DGKB: variants seen among roughly 807,000 people sequenced by gnomAD.
DGKB encodes the protein 90 kDa diacylglycerol kinase.
A neutral mutation model predicts 114.3 loss-of-function variants in DGKB; 67 were observed. The observed-to-expected ratio is 0.59, with a 90% CI of 0.48 to 0.72. The LOEUF is 0.72. Ranked by LOEUF, DGKB falls within the 30% of genes least tolerant of loss-of-function variation. The pLI is 0.00. For missense variants in DGKB, 907 were observed against 975.2 expected, an observed-to-expected ratio of 0.93 and a Z score of 0.93; for synonymous variants, 398 against 323.1, an observed-to-expected ratio of 1.23 and a Z score of -2.49.
At chr7:14,689,606 A>G (rs1228696050) in intron 9 of DGKB, among the ~76,000 whole-genome samples, 1 of 152,174 alleles carries the variant, frequency 6.6e-6, no homozygotes, top group Non-Finnish European at 1.5e-5. Context: ...GTCACCTGTC[A>G]TTCCTGAGGC....
In DGKB at chr7:14,453,076, G is replaced by A. The variant is rs569131067; in HGVS notation, c.1835+25085C>T. On this transcript the variant is annotated intron_variant, in intron 21 of 25. Coordinates refer to ENST00000402815, the MANE Select transcript of DGKB (RefSeq NM_001350709.2). ...GGCTTACACATATAGTGATTACTAC[G>A]CTCCAGGCACTGTTCTTAGTGCTTT... is the stretch of plus-strand genomic sequence containing the variant. Among the ~76,000 whole-genome samples the A allele has an allele frequency of 5.3e-5, 8 of 152,198 alleles. No homozygotes were observed. The South Asian group carries it at 8.3e-4, about 16-fold the overall frequency.
intron 1 of DGKB, among the ~76,000 whole-genome samples, chr7:14,899,491 C>T (rs1664090431): frequency 6.6e-6 from 1 of 152,120 alleles, no homozygotes; most frequent in Non-Finnish European, 1.5e-5. Context: ...TAGTGTCCCT[C>T]AGGACAAAGA....
chr7:14,201,833 G>GTTTTCT (rs1554285039), intron 23 of DGKB, among the ~76,000 whole-genome samples: 1 of 151,860 alleles, frequency 6.6e-6, no homozygotes, highest in East Asian at 1.9e-4. Flanking sequence ...GGAGTTTGTT[G>GTTTTCT]TTTTGTTTTT....
intron 25 of DGKB, among the ~76,000 whole-genome samples, chr7:14,157,887 T>A (rs1165017157): frequency 6.6e-6 from 1 of 152,206 alleles, no homozygotes; most frequent in African/African-American, 2.4e-5. Flanking sequence ...CTTCTTTTCT[T>A]AACTAGAGAA....
At chr7:14,769,369 AAAG>A (rs1245271012) in intron 2 of DGKB, among the ~76,000 whole-genome samples, 2 of 152,144 alleles carry the variant, frequency 1.3e-5, no homozygotes, top group African/African-American at 2.4e-5. Flanking sequence ...TCTGAAAATC[AAAG>A]AAGAGCAGTT....
intron 20 of DGKB, among the ~76,000 whole-genome samples, chr7:14,571,745 A>G (rs959486034): frequency 6.6e-6 from 1 of 152,226 alleles, no homozygotes; most frequent in Admixed American, 6.5e-5. Flanking sequence ...CTTTGAATGT[A>G]TTCTTCAGTG....
At chr7:14,597,689 A>C (rs1218084049) in intron 17 of DGKB, among the ~76,000 whole-genome samples, 1 of 152,098 alleles carries the variant, frequency 6.6e-6, no homozygotes, top group Non-Finnish European at 1.5e-5. Context: ...TGGCTGAAGG[A>C]CTGTTGTCCA....
At chr7:14,886,683 C>G (rs1855110293) in intron 1 of DGKB, among the ~76,000 whole-genome samples, 1 of 152,042 alleles carries the variant, frequency 6.6e-6, no homozygotes, top group Middle Eastern at 3.4e-3. Context: ...TAATCACTCA[C>G]CTTTATTACC....
chr7:14,371,902 G>A (rs985334443), intron 21 of DGKB, among the ~76,000 whole-genome samples: 1 of 152,174 alleles, frequency 6.6e-6, no homozygotes, highest in Admixed American at 6.5e-5. Context: ...TCACTCCAGA[G>A]CAGGCATGCC....
At chr7:14,195,774 G>C (rs1784925816) in intron 23 of DGKB, among the ~76,000 whole-genome samples, 1 of 152,108 alleles carries the variant, frequency 6.6e-6, no homozygotes, top group African/African-American at 2.4e-5. Context: ...AGAACATGAT[G>C]ATGAGGAAAA....
chr7:14,267,007 G>C (rs113719444), intron 23 of DGKB, among the ~76,000 whole-genome samples: 2 of 97,796 alleles, frequency 2.0e-5, no homozygotes, highest in African/African-American at 1.3e-4. Context: ...TGAACAAGTT[G>C]GTTTCCCCCT....
intron 3 of DGKB, among the ~76,000 whole-genome samples, chr7:14,756,919 G>A (rs2128445578): frequency 6.6e-6 from 1 of 152,074 alleles, no homozygotes. Context: ...CATTTAAAAT[G>A]TAACATCTCT....
chr7:14,644,252 T>C (rs1039867883), intron 13 of DGKB, among the ~76,000 whole-genome samples: 1 of 152,060 alleles, frequency 6.6e-6, no homozygotes, highest in African/African-American at 2.4e-5. Context: ...CTTCAGAAAA[T>C]TCAAAGAAGT....
At chr7:14,360,462 A>G (rs1815508265) in intron 21 of DGKB, among the ~76,000 whole-genome samples, 1 of 151,680 alleles carries the variant, frequency 6.6e-6, no homozygotes, top group Admixed American at 6.6e-5. Flanking sequence ...ATATATATAT[A>G]TATAAAGAAT....
At chr7:14,269,585 A>G (rs972301550) in intron 23 of DGKB, among the ~76,000 whole-genome samples, 5 of 152,146 alleles carry the variant, frequency 3.3e-5, no homozygotes, top group African/African-American at 1.2e-4. Context: ...TCTTACAAGA[A>G]TCAAATATAT....
In DGKB at chr7:14,613,405, A is replaced by T; in HGVS notation, c.1293T>A (p.Pro431=). ...CTAAAAGTGGGTGAGTACCAGGCAC[A>T]GGAGTGACCTATAAGAAAAGTTATA... is the stretch of plus-strand genomic sequence containing the variant. ...TVDGQGLQVT[P]VPGTHPLLVF... is the part of the protein sequence containing the mutation. The change falls in exon 16 of 26, where the codon CCT becomes CCA. Residue 431 remains proline (P), a synonymous_variant. Transcript: ENST00000402815. 2 of 1,558,334 alleles carry T rather than the reference A, an allele frequency of 1.3e-6. No individual in the cohort carries two copies. The highest frequency in any genetic ancestry group is 1.7e-6 in the Non-Finnish European group (2 of 1,147,360).
intron 21 of DGKB, among the ~76,000 whole-genome samples, chr7:14,435,746 G>C (rs1404396156): frequency 6.6e-6 from 1 of 151,924 alleles, no homozygotes; most frequent in Non-Finnish European, 1.5e-5. Context: ...TGAATAGTTG[G>C]TTTTATCAAC....
At chr7:14,334,774 T>C (rs1414862201) in intron 23 of DGKB, among the ~76,000 whole-genome samples, 1 of 152,066 alleles carries the variant, frequency 6.6e-6, no homozygotes, top group Non-Finnish European at 1.5e-5. Flanking sequence ...TCTTTCTGAG[T>C]TTAATTCAGA....
At chr7:14,806,675 C>T (rs147584488) in intron 2 of DGKB, among the ~76,000 whole-genome samples, 80 of 152,090 alleles carry the variant, frequency 5.3e-4, no homozygotes, top group African/African-American at 1.7e-3. Context: ...TTGTAACAGT[C>T]ACATCTTCTT....
Sources: gnomAD v4.1 joint callset for allele counts (sites outside exome capture counted in the v4.1 genomes callset) on GRCh38, gnomAD v4.1.1 for gene constraint, MANE v1.5 for transcripts, NCBI Gene and HGNC (gene_info 2026-07-23, HGNC 2026-07-21) for gene names.